KCNJ1: variants seen among roughly 807,000 people sequenced by gnomAD.
KCNJ1 encodes ATP-sensitive inward rectifier potassium channel 1.
A neutral mutation model predicts 21.9 loss-of-function variants in KCNJ1; 24 were observed. That is an observed-to-expected ratio of 1.10 (90% CI 0.79 to 1.54). The LOEUF (loss-of-function observed/expected upper bound fraction) is 1.54. KCNJ1 is among the 40% of genes most tolerant of loss of function. The pLI, the probability that KCNJ1 is intolerant of heterozygous loss-of-function variation, is 0.00. For missense variants in KCNJ1, 457 were observed against 455.4 expected (o/e 1.00, Z -0.03); for synonymous variants, 152 against 160.9 (o/e 0.94, Z 0.42).
Position 128,852,673 on chromosome 11 carries a change from G to C in KCNJ1, c.-191-1783C>G, listed in dbSNP as rs138396658. ...TCTTCTCACTGGGGCTCTTCTTGCT[G>C]GCATTTAGCATGCCCCCATCCTCAT... is the stretch of plus-strand genomic sequence containing the variant. On this transcript the variant is annotated intron_variant, in intron 1 of 2. Coordinates refer to ENST00000392666, the MANE Select transcript of KCNJ1 (RefSeq NM_153766.3). Among the ~76,000 whole-genome samples the C allele has an allele frequency of 9.9e-3, 1,516 of 152,362 alleles. 32 individuals carry two copies. Among genetic ancestry groups the C allele is most frequent in the African/African-American group, 0.035 (1,458 of 41,594 alleles).
intron 1 of KCNJ1, among the ~76,000 whole-genome samples, chr11:128,855,342 C>G (rs560829228): frequency 1.1e-4 from 17 of 152,248 alleles, no homozygotes; most frequent in Middle Eastern, 6.8e-3. Flanking sequence ...GTCCCCTGAG[C>G]TTCACTGGAG....
rs760450195 is a variant in KCNJ1, at chr11:128,839,331, G to A, written c.913C>T (p.Arg305Cys). 1.4e-5 allele frequency: 22 copies of A among 1,613,982 alleles called. No homozygotes were observed. Among genetic ancestry groups the A allele is most frequent in the Non-Finnish European group, 1.8e-5 (21 of 1,180,012 alleles). The change falls in exon 3 of 3, where the codon CGT becomes TGT. Residue 305 changes from arginine (R) to cysteine (C), a missense_variant. By Grantham distance (180) the Arg-to-Cys change is radical (BLOSUM62 -3). Coordinates refer to ENST00000392666, the MANE Select transcript of KCNJ1 (RefSeq NM_153766.3). Reference protein sequence around the residue: ...YVPEEVLWGYRFAPIVSKTKE... With the variant: ...YVPEEVLWGYCFAPIVSKTKE... ...GTCTTGGATACTATGGGAGCAAAAC[G>A]GTAGCCCCAAAGCACCTCCTCTGGG...
intron 1 of KCNJ1, among the ~76,000 whole-genome samples, chr11:128,863,718 A>G (rs1327147930): frequency 6.6e-6 from 1 of 152,214 alleles, no homozygotes; most frequent in Non-Finnish European, 1.5e-5. Context: ...TTTGACAGCT[A>G]AGGACCTTAA....
At position 128,839,968 on chromosome 11, in the gene KCNJ1, T is replaced by C; in HGVS notation, c.276A>G (p.Glu92=). The change falls in exon 3 of 3, where the codon GAA becomes GAG. Residue 92 remains glutamate (E), a synonymous_variant. Coordinates refer to ENST00000392666, the MANE Select transcript of KCNJ1 (RefSeq NM_153766.3). ...AVAYIHKDLP[E]FHPSANHTPC... ...GAGTGTGATTGGCAGAAGGATGGAA[T>C]TCCGGGAGGTCTTTGTGAATGTACG... 6.2e-7 allele frequency: 1 copy of C among 1,614,130 alleles called. No homozygotes were observed. Among genetic ancestry groups the C allele is most frequent in the Non-Finnish European group, 8.5e-7 (1 of 1,180,020 alleles).
chr11:128,853,086 C>G (rs188575575), intron 1 of KCNJ1, among the ~76,000 whole-genome samples: 3 of 152,238 alleles, frequency 2.0e-5, no homozygotes, highest in Non-Finnish European at 4.4e-5. Flanking sequence ...TCAAAAGAAG[C>G]GTTTCAGTCT....
chr11:128,857,113 C>T (rs1373868914), intron 1 of KCNJ1, among the ~76,000 whole-genome samples: 2 of 152,166 alleles, frequency 1.3e-5, no homozygotes, highest in African/African-American at 2.4e-5. Flanking sequence ...CAATGTGCGG[C>T]GCAGCTCCTG....
At chr11:128,853,696 T>G (rs1470547009) in intron 1 of KCNJ1, among the ~76,000 whole-genome samples, 1 of 152,320 alleles carries the variant, frequency 6.6e-6, no homozygotes, top group Admixed American at 6.5e-5. Context: ...AAAACACACA[T>G]GTAAAGTGCC....
chr11:128,855,865 T>C (rs1943579024), intron 1 of KCNJ1, among the ~76,000 whole-genome samples: 1 of 152,106 alleles, frequency 6.6e-6, no homozygotes, highest in Admixed American at 6.5e-5. Flanking sequence ...CTTGGGGAAA[T>C]CAGTTTTAAC....
intron 1 of KCNJ1, among the ~76,000 whole-genome samples, chr11:128,866,031 C>T (rs1335164203): frequency 6.6e-6 from 1 of 152,148 alleles, no homozygotes; most frequent in African/African-American, 2.4e-5. Context: ...TAAAAAAATG[C>T]TTTTCTGATG....
chr11:128,850,419 C>CT (rs1433720483), intron 2 of KCNJ1, among the ~76,000 whole-genome samples: 1 of 152,204 alleles, frequency 6.6e-6, no homozygotes, highest in African/African-American at 2.4e-5. Flanking sequence ...CAGTCCCTGC[C>CT]TACCCCAGCA....
At chr11:128,859,006 TTGA>T (rs1164281231) in intron 1 of KCNJ1, among the ~76,000 whole-genome samples, 21 of 152,224 alleles carry the variant, frequency 1.4e-4, no homozygotes, top group African/African-American at 4.8e-4. Context: ...ACATAAGGGG[TTGA>T]TTTCACTCTA....
intron 2 of KCNJ1, among the ~76,000 whole-genome samples, chr11:128,844,890 C>T (rs1943353547): frequency 1.3e-5 from 2 of 152,042 alleles, no homozygotes; most frequent in South Asian, 4.2e-4. Context: ...AGCCAAACCT[C>T]TCATAGCTCA....
At chr11:128,863,692 T>G (rs1943759062) in intron 1 of KCNJ1, among the ~76,000 whole-genome samples, 2 of 152,218 alleles carry the variant, frequency 1.3e-5, no homozygotes, top group African/African-American at 2.4e-5. Flanking sequence ...GGAATGCTTT[T>G]GGGTTGGGTT....
chr11:128,848,447 C>T (rs1033558934), intron 2 of KCNJ1, among the ~76,000 whole-genome samples: 12 of 152,222 alleles, frequency 7.9e-5, no homozygotes, highest in Admixed American at 7.2e-4. Flanking sequence ...CTCCCTCAGC[C>T]TCCCAAAGTG....
chr11:128,863,082 C>T (rs1295587588), intron 1 of KCNJ1, among the ~76,000 whole-genome samples: 2 of 152,248 alleles, frequency 1.3e-5, no homozygotes, highest in Non-Finnish European at 2.9e-5. Flanking sequence ...AACCATGAGA[C>T]TTCCCCTACG....
chr11:128,854,197 C>T (rs1365812387), intron 1 of KCNJ1, among the ~76,000 whole-genome samples: 1 of 152,226 alleles, frequency 6.6e-6, no homozygotes, highest in Non-Finnish European at 1.5e-5. Context: ...AGGGTCCCTC[C>T]TACTGCACCA....
intron 1 of KCNJ1, among the ~76,000 whole-genome samples, chr11:128,859,453 T>G (rs1943657444): frequency 6.6e-6 from 1 of 152,146 alleles, no homozygotes; most frequent in Non-Finnish European, 1.5e-5. Context: ...CTCACTAGGT[T>G]ACCCAGGCTG....
At chr11:128,843,609 G>C (rs1392686141) in intron 2 of KCNJ1, among the ~76,000 whole-genome samples, 1 of 152,120 alleles carries the variant, frequency 6.6e-6, no homozygotes, top group African/African-American at 2.4e-5. Flanking sequence ...TAGTCTAATG[G>C]GGAAGTGAAC....
chr11:128,855,986 G>A (rs78565556), intron 1 of KCNJ1, among the ~76,000 whole-genome samples: 34 of 152,294 alleles, frequency 2.2e-4, no homozygotes, highest in Admixed American at 1.8e-3. Context: ...AGTCCTGCTC[G>A]GGGCTCTTGC....
Sources: allele counts gnomAD v4.1 joint callset (sites outside exome capture counted in the v4.1 genomes callset), GRCh38; gene constraint gnomAD v4.1.1; transcripts MANE v1.5; gene names NCBI Gene and HGNC (gene_info 2026-07-23, HGNC 2026-07-21).